The following SLC10A7 variants were observed in gnomAD, a reference collection of about 807,000 sequenced individuals.
SLC10A7 encodes the protein solute carrier family 10 member 7, also known as sodium/bile acid cotransporter 7.
A neutral mutation model predicts 43.2 loss-of-function variants in SLC10A7; 29 were observed. The ratio of observed to expected loss-of-function variants is 0.67; its 90% CI spans 0.50 to 0.92. The LOEUF is 0.92. Ranked by LOEUF, SLC10A7 falls within the 40% of genes least tolerant of loss-of-function variation. SLC10A7 has a pLI of 0.00. For missense variants in SLC10A7, 295 were observed against 403.2 expected, an observed-to-expected ratio of 0.73 and a Z score of 2.30; for synonymous variants, 152 against 144.8, an observed-to-expected ratio of 1.05 and a Z score of -0.35.
intron 5 of SLC10A7, 133 bp from the exon 6 acceptor site, chr4:146,326,129 G>T: frequency 1.5e-6 from 1 of 682,482 alleles, no homozygotes; most frequent in East Asian, 2.8e-5. Flanking sequence ...GAGATAAAGA[G>T]GGGAGAGTCC....
chr4:146,378,886 TCAGATAATCTGCAAAG>T (rs1041538690), intron 5 of SLC10A7, among the ~76,000 whole-genome samples: 23 of 150,504 alleles, frequency 1.5e-4, no homozygotes, highest in Middle Eastern at 3.2e-3. Flanking sequence ...TGATAGAAGA[TCAGATAATCTGCAAAG>T]CAGATAATCT....
chr4:146,403,619 T>A (rs948292352), intron 5 of SLC10A7, among the ~76,000 whole-genome samples: 1 of 152,154 alleles, frequency 6.6e-6, no homozygotes, highest in African/African-American at 2.4e-5. Flanking sequence ...TATGTGCAAT[T>A]TGGGCGCTTG....
At chr4:146,377,480 C>G (rs1470630804) in intron 5 of SLC10A7, among the ~76,000 whole-genome samples, 3 of 152,226 alleles carry the variant, frequency 2.0e-5, no homozygotes, top group Admixed American at 6.5e-5. Flanking sequence ...CTGGCACACA[C>G]TCACCTGCAT....
chr4:146,284,186 A>T (rs987485662), intron 9 of SLC10A7, among the ~76,000 whole-genome samples: 1 of 152,178 alleles, frequency 6.6e-6, no homozygotes, highest in Admixed American at 6.5e-5. Flanking sequence ...TTGACTATAT[A>T]GAGTCTATTC....
At chr4:146,412,411 T>G (rs1345168483) in intron 5 of SLC10A7, among the ~76,000 whole-genome samples, 1 of 152,164 alleles carries the variant, frequency 6.6e-6, no homozygotes, top group African/African-American at 2.4e-5. Flanking sequence ...AGCCATTAAC[T>G]GTAATGACTG....
chr4:146,341,591 T>C (rs1734266272), intron 5 of SLC10A7, among the ~76,000 whole-genome samples: 1 of 151,782 alleles, frequency 6.6e-6, no homozygotes, highest in Non-Finnish European at 1.5e-5. Context: ...TTGGACACAA[T>C]ATAATATGTC....
chr4:146,322,679 C>A (rs553112873), intron 6 of SLC10A7, among the ~76,000 whole-genome samples: 46 of 152,202 alleles, frequency 3.0e-4, no homozygotes, highest in Admixed American at 8.5e-4. Context: ...CCACAATAAA[C>A]ATACGTGTGC....
intron 9 of SLC10A7, among the ~76,000 whole-genome samples, chr4:146,288,838 C>T (rs1730210758): frequency 1.3e-5 from 2 of 152,274 alleles, no homozygotes; most frequent in Non-Finnish European, 1.5e-5. Flanking sequence ...CTTTTGATCA[C>T]TTTGCCTTCT....
intron 5 of SLC10A7, among the ~76,000 whole-genome samples, chr4:146,361,309 A>C (rs949316358): frequency 6.6e-6 from 1 of 152,184 alleles, no homozygotes; most frequent in African/African-American, 2.4e-5. Flanking sequence ...GTTCAATGAG[A>C]AATATAACAG....
chr4:146,355,457 C>T (rs1224977030), intron 5 of SLC10A7, among the ~76,000 whole-genome samples: 2 of 151,968 alleles, frequency 1.3e-5, no homozygotes, highest in African/African-American at 2.4e-5. Flanking sequence ...TAAACTAGTT[C>T]AACCATTGTG....
At chr4:146,459,704 A>G (rs1366298988) in intron 4 of SLC10A7, among the ~76,000 whole-genome samples, 1 of 151,848 alleles carries the variant, frequency 6.6e-6, no homozygotes, top group East Asian at 1.9e-4. Context: ...CATAAGAACT[A>G]AATCTATAAA....
intron 5 of SLC10A7, chr4:146,442,425 C>T: frequency 9.8e-7 from 1 of 1,022,560 alleles, no homozygotes; most frequent in Non-Finnish European, 1.2e-6. Context: ...CCAGCTGGGT[C>T]ATGTTTCCTT....
chr4:146,519,318 A>G (rs1266381723), intron 1 of SLC10A7, among the ~76,000 whole-genome samples: 1 of 144,782 alleles, frequency 6.9e-6, no homozygotes, highest in Non-Finnish European at 1.5e-5. Context: ...TATATAATAC[A>G]TTATTTAACA....
chr4:146,321,675 G>C (rs1201247607), intron 6 of SLC10A7, among the ~76,000 whole-genome samples: 2 of 152,062 alleles, frequency 1.3e-5, no homozygotes, highest in African/African-American at 4.8e-5. Flanking sequence ...GGGCTCAAGT[G>C]ATCCTCACAC....
At chr4:146,256,624 C>T (rs1484825889) in intron 11 of SLC10A7, 104 bp from the exon 12 acceptor site, 39 of 1,273,862 alleles carry the variant, frequency 3.1e-5, no homozygotes, top group Non-Finnish European at 4.2e-5. Context: ...AAGAAGAGGC[C>T]CACCCAGATG....
chr4:146,430,861 T>C (rs991472143), intron 5 of SLC10A7, among the ~76,000 whole-genome samples: 12 of 152,144 alleles, frequency 7.9e-5, no homozygotes, highest in Non-Finnish European at 1.5e-4. Context: ...AGAATTTTTT[T>C]CCCCTGATCA....
intron 5 of SLC10A7, among the ~76,000 whole-genome samples, chr4:146,390,899 A>T (rs1357321554): frequency 1.3e-5 from 2 of 152,208 alleles, no homozygotes; most frequent in East Asian, 3.9e-4. Flanking sequence ...AAAGGTGGGA[A>T]ATACGGAAGC....
chr4:146,258,214 C>A (rs1198624254), intron 11 of SLC10A7, among the ~76,000 whole-genome samples: 3 of 152,066 alleles, frequency 2.0e-5, no homozygotes, highest in African/African-American at 7.2e-5. Flanking sequence ...TTTTTTAATG[C>A]CCAAATGCAG....
chr4:146,392,672 C>T (rs1738527591), intron 5 of SLC10A7, among the ~76,000 whole-genome samples: 1 of 152,140 alleles, frequency 6.6e-6, no homozygotes, highest in Non-Finnish European at 1.5e-5. Context: ...CCAAAGGTCC[C>T]TTAAGAGATG....
Sources: gnomAD v4.1 joint callset for allele counts (sites outside exome capture counted in the v4.1 genomes callset) on GRCh38, gnomAD v4.1.1 for gene constraint, MANE v1.5 for transcripts, NCBI Gene and HGNC (gene_info 2026-07-23, HGNC 2026-07-21) for gene names.